ALDOB: variants seen among roughly 807,000 people sequenced by gnomAD.
ALDOB encodes fructose-bisphosphate aldolase B.
ALDOB carries 39 observed loss-of-function variants against 41.0 expected under a neutral mutation model. The ratio of observed to expected loss-of-function variants is 0.95; its 90% CI spans 0.74 to 1.24. The LOEUF is 1.24. Ranked by LOEUF, ALDOB falls within the 50% of genes most tolerant of loss-of-function variation. ALDOB has a pLI of 0.00. For missense variants in ALDOB, 530 were observed against 457.3 expected (o/e 1.16, Z -1.45); for synonymous variants, 175 against 168.8 (o/e 1.04, Z -0.28).
At chr9:101,430,990 A>T in intron 1 of ALDOB, 93 bp from the exon 2 acceptor site, 1 of 868,118 alleles carries the variant, frequency 1.2e-6, no homozygotes, top group South Asian at 1.4e-5. Context: ...CATGCTGTGC[A>T]GACCTCTGTG....
Position 101,425,465 on chromosome 9 carries a change from C to A in ALDOB, c.787G>T (p.Ala263Ser). 1 of 1,614,182 alleles carries A rather than the reference C, an allele frequency of 6.2e-7. No individual in the cohort carries two copies. Among genetic ancestry groups the A allele is most frequent in the Non-Finnish European group, 8.5e-7 (1 of 1,180,032 alleles). The change falls in exon 7 of 9, where the codon GCA becomes TCA. Residue 263 changes from alanine (A) to serine (S), a missense_variant. Ala to Ser is a moderately conservative substitution (Grantham distance 99). Coordinates refer to ENST00000647789, the MANE Select transcript of ALDOB (RefSeq NM_000035.4). ...TVTALHRTVP[A>S]AVPGICFLSG... ...AAGAAGGCCTTACCAGGAACAGCTG[C>A]AGGAACAGTACGGTGGAGAGCTGTT...
At chr9:101,428,661 G>A in intron 3 of ALDOB, 138 bp from the exon 4 acceptor site, 3 of 783,154 alleles carry the variant, frequency 3.8e-6, no homozygotes, top group South Asian at 1.4e-5. Context: ...ACCCAGTTCA[G>A]TCCATAGCAG....
intron 3 of ALDOB, 75 bp downstream of exon 3, chr9:101,429,680 T>C: frequency 7.5e-7 from 1 of 1,325,886 alleles, no homozygotes; most frequent in South Asian, 1.2e-5. Context: ...TTCAGAGTGT[T>C]GGCCCTGTCC....
Position 101,427,660 on chromosome 9 carries a change from G to T in ALDOB, c.380-18C>A, listed in dbSNP as rs377276079. 1 of 1,613,860 alleles carries T rather than the reference G, an allele frequency of 6.2e-7. No individual in the cohort carries two copies. The highest frequency in any genetic ancestry group is 8.5e-7 in the Non-Finnish European group (1 of 1,180,002). On this transcript the variant is annotated intron_variant, in intron 4 of 8. Coordinates refer to ENST00000647789, the MANE Select transcript of ALDOB (RefSeq NM_000035.4). ...ATCAAGCCCTGCAAGTCACAAAAGA[G>T]AGAAAGGCTTCTTTGTACCTTTGTA...
rs757772074 is a variant in ALDOB at position 101,430,890 on chromosome 9, T to C, written c.-3A>G. On this transcript the variant is annotated 5_prime_UTR_variant, in exon 2 of 9. Coordinates refer to ENST00000647789, the MANE Select transcript of ALDOB (RefSeq NM_000035.4). Reference sequence around the variant, plus strand: ...AGGGCTGGAAATCGGTGGGCCATGGTGACAGGTCTGGAAAAGAGTGTGCGA... The same window carrying C: ...AGGGCTGGAAATCGGTGGGCCATGGCGACAGGTCTGGAAAAGAGTGTGCGA... 2 of 1,609,960 alleles carry C rather than the reference T, an allele frequency of 1.2e-6. No individual in the cohort carries two copies. The highest frequency in any genetic ancestry group is 1.3e-5 in the African/African-American group (1 of 74,766).
At chr9:101,433,666 C>T (rs1274330764) in intron 1 of ALDOB, among the ~76,000 whole-genome samples, 1 of 152,170 alleles carries the variant, frequency 6.6e-6, no homozygotes, top group Non-Finnish European at 1.5e-5. Flanking sequence ...GATATATACC[C>T]ATACTGTTTT....
chr9:101,424,827 G>T lies in ALDOB; in HGVS notation c.999+16C>A, dbSNP rs1479725293. 1.9e-6 allele frequency: 3 copies of T among 1,611,996 alleles called. No individual in the cohort carries two copies. Among genetic ancestry groups the T allele is most frequent in the Non-Finnish European group, 2.5e-6 (3 of 1,179,736 alleles). ...TGTGAACATCATCAAGTAGATAAGA[G>T]GTGGCAGCATCTTACCATGGCCCGC... On this transcript the variant is annotated intron_variant, in intron 8 of 8. Coordinates refer to ENST00000647789, the MANE Select transcript of ALDOB (RefSeq NM_000035.4).
rs1168530453 is a variant in ALDOB, at chr9:101,420,642, A to G, written c.*1167T>C. On this transcript the variant is annotated 3_prime_UTR_variant, in exon 9 of 9. Transcript: ENST00000647789. ...CATCCATTTCTTTTATTACTTAAAT[A>G]GAATTAAAGCACTATTTCTTAACCC... The G allele has an allele frequency of 6.6e-6, 1 of 152,220 alleles. No individual in the cohort carries two copies. The allele number at this position is 152,220 out of a possible 1,614,324, so 9.4% of individuals were successfully genotyped here.
At position 101,430,832 on chromosome 9, in the gene ALDOB, A is replaced by G; in HGVS notation, c.56T>C (p.Ile19Thr). The G allele has an allele frequency of 6.2e-7, 1 of 1,614,186 alleles. No individual in the cohort carries two copies. The part of the protein sequence containing the change: ...TQEQKKELSE[I>T]AQSIVANGKG... Reference sequence around the variant, plus strand: ...TCCATTGGCAACAATGCTCTGGGCAATTTCTGAGAGCTCCTTCTTCTGCTC... The same window carrying G: ...TCCATTGGCAACAATGCTCTGGGCAGTTTCTGAGAGCTCCTTCTTCTGCTC... The change falls in exon 2 of 9, where the codon ATT (isoleucine) becomes ACT (threonine). Residue 19 changes from isoleucine (I) to threonine (T), a missense_variant. Physicochemically the swap from Ile to Thr is moderately conservative, Grantham distance 89. Coordinates refer to ENST00000647789, the MANE Select transcript of ALDOB (RefSeq NM_000035.4).
At chr9:101,429,131 TTTTC>T (rs1831175241) in intron 3 of ALDOB, among the ~76,000 whole-genome samples, 1 of 150,960 alleles carries the variant, frequency 6.6e-6, no homozygotes, top group Non-Finnish European at 1.5e-5. Flanking sequence ...TTCTTTTCTT[TTTTC>T]TTTCTTTTTT....
chr9:101,424,922 T>G lies in ALDOB; in HGVS notation c.920A>C (p.Gln307Pro), dbSNP rs1831101432. ...ACCCCAGGCAGCCAGTGCACTGGCCTGCAGGGCCCGTCCATAAGAGAAACT... is the reference window on the plus strand; with the variant it reads ...ACCCCAGGCAGCCAGTGCACTGGCCGGCAGGGCCCGTCCATAAGAGAAACT... ...KLSFSYGRAL[Q>P]ASALAAWGGK... Residue 307 changes from glutamine (Q) to proline (P), a missense_variant, in exon 8 of 9, where the codon CAG becomes CCG. By Grantham distance (76) the Gln-to-Pro change is moderately conservative. Coordinates refer to ENST00000647789, the MANE Select transcript of ALDOB (RefSeq NM_000035.4). 2 of 1,614,044 alleles carry G rather than the reference T, an allele frequency of 1.2e-6. No individual in the cohort carries two copies. The highest frequency in any genetic ancestry group is 2.7e-5 in the African/African-American group (2 of 74,942).
At chr9:101,424,791 C>G (rs904641585) in intron 8 of ALDOB, 52 bp downstream of exon 8, 17 of 1,602,504 alleles carry the variant, frequency 1.1e-5, no homozygotes, top group Non-Finnish European at 1.4e-5. Context: ...GTTGGAAAGT[C>G]AAGCCCCAAA....
At chr9:101,433,661 A>G (rs955190579) in intron 1 of ALDOB, among the ~76,000 whole-genome samples, 68 of 152,340 alleles carry the variant, frequency 4.5e-4, no homozygotes, top group African/African-American at 1.6e-3. Context: ...AAAATGATAT[A>G]TACCCATACT....
Position 101,424,927 on chromosome 9 carries a change from G to A in ALDOB, c.915C>T (p.Ala305=), listed in dbSNP as rs1400203483. ...PWKLSFSYGR[A]LQASALAAWG... is the part of the protein sequence containing the mutation. ...AGGCAGCCAGTGCACTGGCCTGCAG[G>A]GCCCGTCCATAAGAGAAACTTAGTT... The change falls in exon 8 of 9, where the codon GCC becomes GCT. Residue 305 remains alanine (A), a synonymous_variant. Transcript: ENST00000647789. 6.2e-7 allele frequency: 1 copy of A among 1,614,018 alleles called. No homozygotes were observed.
chr9:101,429,450 C>T (rs1317038417), intron 3 of ALDOB, among the ~76,000 whole-genome samples: 5 of 152,152 alleles, frequency 3.3e-5, no homozygotes, highest in East Asian at 3.9e-4. Flanking sequence ...TAAGCAACCA[C>T]GTCCAGCCTA....
rs1831040215 is a variant in ALDOB, at chr9:101,421,149, A to G, written c.*660T>C. ...ACATTGGAATTACTGAGGGAGCTTT[A>G]AGAAATCTAATAGTTAGAGGATCCC... is the stretch of plus-strand genomic sequence containing the variant. On this transcript the variant is annotated 3_prime_UTR_variant, in exon 9 of 9. Transcript: ENST00000647789. 6.5e-6 allele frequency: 1 copy of G among 152,960 alleles called. No individual in the cohort carries two copies. Among genetic ancestry groups the G allele is most frequent in the African/African-American group, 2.4e-5 (1 of 41,454 alleles). The allele number at this position is 152,960 out of a possible 1,614,324, so 9.5% of individuals were successfully genotyped here.
At chr9:101,427,031 C>T (rs533211510) in intron 5 of ALDOB, among the ~76,000 whole-genome samples, 2 of 152,202 alleles carry the variant, frequency 1.3e-5, no homozygotes, top group African/African-American at 2.4e-5. Context: ...TCAAACTTAA[C>T]TCGGACCCAG....
chr9:101,425,698 A>C, intron 6 of ALDOB, 71 bp from the exon 7 acceptor site: 1 of 1,502,700 alleles, frequency 6.7e-7, no homozygotes, highest in Non-Finnish European at 9.3e-7. Flanking sequence ...TGGCACATTT[A>C]CACTGCAGGG....
In ALDOB at chr9:101,426,636, A is replaced by T. The variant is rs35885472; in HGVS notation, c.543T>A (p.Asn181Lys). The T allele has an allele frequency of 1.9e-6, 3 of 1,606,698 alleles. No individual in the cohort carries two copies. ...CTGGTTCAACAATAGGTACCAGTCC[A>T]TTCTAAAAAGGAAAATCAAGGAAGC... is the stretch of plus-strand genomic sequence containing the variant. ...LARYASICQQNGLVPIVEPEV... is the reference protein window; with the variant it reads ...LARYASICQQKGLVPIVEPEV... The change falls in exon 6 of 9, where the codon AAT (asparagine) becomes AAA (lysine). Residue 181 changes from asparagine to lysine, a missense_variant and splice_region_variant. By Grantham distance (94) the Asn-to-Lys change is moderately conservative. Transcript: ENST00000647789.
Sources: allele counts gnomAD v4.1 joint callset (sites outside exome capture counted in the v4.1 genomes callset), GRCh38; gene constraint gnomAD v4.1.1; transcripts MANE v1.5; gene names NCBI Gene and HGNC (gene_info 2026-07-23, HGNC 2026-07-21).